The following PDXK variants were observed in gnomAD, a reference collection of about 807,000 sequenced individuals.
PDXK encodes the protein pyridoxal kinase, also known as epididymis secretory sperm binding protein Li 1a.
PDXK carries 15 observed loss-of-function variants against 43.2 expected under a neutral mutation model. That is an observed-to-expected ratio of 0.35 (90% CI 0.23 to 0.53). PDXK has a LOEUF of 0.53. Ranked by LOEUF, PDXK falls within the 20% of genes least tolerant of loss-of-function variation. The pLI is 0.92. For synonymous variants in PDXK, 172 were observed against 165.4 expected (o/e 1.04, Z -0.31); for missense variants, 343 against 417.0 (o/e 0.82, Z 1.54).
At chr21:43,749,250 G>A (rs919214004) in intron 6 of PDXK, among the ~76,000 whole-genome samples, 170 bp downstream of exon 6, 11 of 152,254 alleles carry the variant, frequency 7.2e-5, no homozygotes, top group African/African-American at 2.6e-4. Context: ...GATGACAGGC[G>A]TGAGCCACCA....
intron 1 of PDXK, among the ~76,000 whole-genome samples, chr21:43,726,437 G>C (rs1365146031): frequency 6.6e-6 from 1 of 151,754 alleles, no homozygotes; most frequent in African/African-American, 2.4e-5. Flanking sequence ...CACCACACCA[G>C]GCAAATTTTT....
At position 43,732,950 on chromosome 21, in the gene PDXK, G is replaced by T. The variant is rs1043226137; in HGVS notation, c.88-1119G>T. Among the ~76,000 whole-genome samples the T allele has an allele frequency of 1.3e-5, 2 of 152,006 alleles. No homozygotes were observed. The highest frequency in any genetic ancestry group is 4.8e-5 in the African/African-American group (2 of 41,362). ...TTTGTAGAGACAGGGTTTTTGCCATGTTGCCCAGGCTGGTCTTGAACTCCT... is the reference window on the plus strand; with the variant it reads ...TTTGTAGAGACAGGGTTTTTGCCATTTTGCCCAGGCTGGTCTTGAACTCCT... On this transcript the variant is annotated intron_variant, in intron 1 of 10. Transcript: ENST00000291565. The surrounding 1 kb of genome is among the most constrained non-coding windows in gnomAD (Gnocchi z 4.1).
chr21:43,746,205 C>CT, intron 5 of PDXK, 80 bp downstream of exon 5: 3 of 1,116,146 alleles, frequency 2.7e-6, no homozygotes, highest in Non-Finnish European at 2.8e-6. Context: ...GCCCACATCT[C>CT]TAAGTGTCTA....
intron 7 of PDXK, among the ~76,000 whole-genome samples, chr21:43,752,101 A>ATGTGTGTG (rs66466038): frequency 2.7e-5 from 4 of 146,498 alleles, no homozygotes; most frequent in Non-Finnish European, 4.5e-5. Context: ...GATGCAGCAC[A>ATGTGTGTG]TGTGTGTGTG....
intron 1 of PDXK, chr21:43,733,530 C>A: frequency 2.6e-6 from 1 of 381,256 alleles, no homozygotes; most frequent in Non-Finnish European, 3.6e-6. Flanking sequence ...GGAACCCTCA[C>A]CCTCTCCCTC....
At chr21:43,736,837 T>C (rs1412318857) in intron 2 of PDXK, 6 of 677,822 alleles carry the variant, frequency 8.9e-6, no homozygotes, top group Non-Finnish European at 1.6e-5. Context: ...CTCACTATGT[T>C]GCCCAAGGTG....
chr21:43,736,670 T>G (rs1201996251), intron 2 of PDXK, among the ~76,000 whole-genome samples: 2 of 148,200 alleles, frequency 1.3e-5, no homozygotes, highest in Non-Finnish European at 1.5e-5. Context: ...TCTCCCTCTG[T>G]CATTCAGGCT....
rs569505342 is a variant in PDXK at position 43,737,506 on chromosome 21, G to T, written c.142+3383G>T. 25 of 1,033,736 alleles carry T rather than the reference G, an allele frequency of 2.4e-5. No individual in the cohort carries two copies. Among genetic ancestry groups the T allele is most frequent in the African/African-American group, 3.5e-5 (2 of 57,750 alleles). The allele number at this position is 1,033,736 out of a possible 1,614,324, so 64.0% of individuals were successfully genotyped here. A position where few individuals can be genotyped will look rare whatever the true frequency, so the allele number is the denominator to read the frequency against. ...CTGAGGGCACTGGGAAGGAGCCTGC[G>T]GAGCTGGAGGTCAGCGGGTGGACGG... On this transcript the variant is annotated intron_variant, in intron 2 of 10. Coordinates refer to ENST00000291565, the MANE Select transcript of PDXK (RefSeq NM_003681.5). This position sits in a 1 kb window ranked among gnomAD's most constrained non-coding sequence, Gnocchi z 4.8.
chr21:43,749,628 C>G (rs1568989870), intron 6 of PDXK, among the ~76,000 whole-genome samples: 1 of 152,148 alleles, frequency 6.6e-6, no homozygotes, highest in Non-Finnish European at 1.5e-5. Context: ...CCCAGGCTCA[C>G]GTCTTCTCTT....
At chr21:43,719,889 G>A (rs1024630256) in intron 1 of PDXK, 19 of 985,356 alleles carry the variant, frequency 1.9e-5, no homozygotes, top group Non-Finnish European at 2.3e-5. Flanking sequence ...AAGACGCCGA[G>A]TGAGGTCACG....
intron 1 of PDXK, among the ~76,000 whole-genome samples, chr21:43,722,193 C>T (rs1019244007): frequency 1.3e-5 from 2 of 152,164 alleles, no homozygotes; most frequent in African/African-American, 4.8e-5. Flanking sequence ...CTAGTGGCTG[C>T]GGCCATCTGC....
chr21:43,731,464 C>T (rs1454317563), intron 1 of PDXK, among the ~76,000 whole-genome samples: 1 of 152,220 alleles, frequency 6.6e-6, no homozygotes, highest in Non-Finnish European at 1.5e-5. Context: ...CACGGAAGAG[C>T]CCCATAGGCC....
chr21:43,739,801 G>A (rs1467335897), intron 2 of PDXK, among the ~76,000 whole-genome samples: 1 of 151,872 alleles, frequency 6.6e-6, no homozygotes, highest in African/African-American at 2.4e-5. Flanking sequence ...CACATGTGCA[G>A]CAGTGGTGAG....
At position 43,737,877 on chromosome 21, in the gene PDXK, C is replaced by T. The variant is rs1245931862; in HGVS notation, c.142+3754C>T. 5 of 985,346 alleles carry T rather than the reference C, an allele frequency of 5.1e-6. No individual in the cohort carries two copies. The highest frequency in any genetic ancestry group is 6.1e-5 in the Admixed American group (1 of 16,274). 61.0% of individuals were successfully genotyped at this position (985,346 alleles called of 1,614,324 possible). ...GAATGAGTTGGACACAAGATCCAAG[C>T]GCCCTCCCCTGTTGGAGAAGGTTCT... is the stretch of plus-strand genomic sequence containing the variant. On this transcript the variant is annotated intron_variant, in intron 2 of 10. Coordinates refer to ENST00000291565, the MANE Select transcript of PDXK (RefSeq NM_003681.5). The surrounding 1 kb of genome is among the most constrained non-coding windows in gnomAD (Gnocchi z 4.8).
At chr21:43,740,861 C>T (rs1053172712) in intron 2 of PDXK, among the ~76,000 whole-genome samples, 8 of 151,252 alleles carry the variant, frequency 5.3e-5, no homozygotes, top group African/African-American at 1.9e-4. Context: ...GGGGTGGGGA[C>T]ATAACAAGCC....
intron 4 of PDXK, among the ~76,000 whole-genome samples, chr21:43,744,872 A>G (rs1156871127): frequency 6.6e-6 from 1 of 152,194 alleles, no homozygotes; most frequent in Non-Finnish European, 1.5e-5. Flanking sequence ...GTGTCTGTTG[A>G]TGGGTGATAG....
chr21:43,725,628 G>A (rs569687514), intron 1 of PDXK, among the ~76,000 whole-genome samples: 181 of 152,112 alleles, frequency 1.2e-3, no homozygotes, highest in African/African-American at 4.1e-3. Context: ...TGGCCAACAT[G>A]GTGAAGCTCC....
At chr21:43,724,658 A>G (rs1348189673) in intron 1 of PDXK, among the ~76,000 whole-genome samples, 2 of 151,296 alleles carry the variant, frequency 1.3e-5, no homozygotes, top group East Asian at 1.9e-4. Flanking sequence ...CGTGGGCAAC[A>G]TAGCAAGACT....
rs1422824163 is a variant in PDXK at position 43,758,038 on chromosome 21, C to T, written c.*1975C>T. 6.6e-6 allele frequency: 1 copy of T among 152,402 alleles called. No individual in the cohort carries two copies. The highest frequency in any genetic ancestry group is 2.4e-5 in the African/African-American group (1 of 40,960). The allele number at this position is 152,402 out of a possible 1,614,324, so 9.4% of individuals were successfully genotyped here. A position where few individuals can be genotyped will look rare whatever the true frequency, so the allele number is the denominator to read the frequency against. On this transcript the variant is annotated 3_prime_UTR_variant, in exon 11 of 11. Transcript: ENST00000291565. ...AGCACGTATAGCATGGGGGAAAGAACCTAAATGTCTCTCTGTCCTGTGAGC... is the reference window on the plus strand; with the variant it reads ...AGCACGTATAGCATGGGGGAAAGAATCTAAATGTCTCTCTGTCCTGTGAGC...
Sources: gnomAD v4.1 joint callset for allele counts (sites outside exome capture counted in the v4.1 genomes callset) on GRCh38, gnomAD v4.1.1 for gene constraint, Gnocchi (gnomAD v3.1) non-coding constraint, MANE v1.5 for transcripts, NCBI Gene and HGNC (gene_info 2026-07-23, HGNC 2026-07-21) for gene names.